The following DARS1 variants were observed in gnomAD, a reference collection of about 807,000 sequenced individuals.
The protein encoded by DARS1 is aspartyl-tRNA synthetase 1, also known as aspartate--tRNA ligase, cytoplasmic.
Under a neutral mutation model 68.8 loss-of-function variants are expected in DARS1, and 51 were observed. The ratio of observed to expected loss-of-function variants is 0.74; its 90% confidence interval spans 0.59 to 0.94. The LOEUF is 0.94. Among genes scored for constraint, DARS1 ranks in the 40% least tolerant of loss-of-function variants. The pLI, the probability that DARS1 is intolerant of heterozygous loss-of-function variation, is 0.00. For synonymous variants in DARS1, 203 were observed against 190.4 expected, an observed-to-expected ratio of 1.07 and a Z score of -0.55; for missense variants, 607 against 597.3, an observed-to-expected ratio of 1.02 and a Z score of -0.17.
chr2:135,943,905 G>A (rs1431265563), intron 4 of DARS1, among the ~76,000 whole-genome samples: 2 of 152,042 alleles, frequency 1.3e-5, no homozygotes, highest in Non-Finnish European at 2.9e-5. Context: ...AATAGAAGAC[G>A]GTCAACTGAA....
chr2:135,957,869 T>C (rs1201148797), intron 4 of DARS1, among the ~76,000 whole-genome samples: 1 of 152,194 alleles, frequency 6.6e-6, no homozygotes, highest in Non-Finnish European at 1.5e-5. Flanking sequence ...AACTTTAAAA[T>C]AGAAATAAAT....
In DARS1 at chr2:135,946,985, T is replaced by A. The variant is rs1681737913; in HGVS notation, c.321-3505A>T. 2.0e-5 allele frequency among the ~76,000 whole-genome samples: 3 copies of A among 152,148 alleles called. No individual in the cohort carries two copies. The South Asian group carries it at 6.2e-4, about 31-fold the overall frequency. On this transcript the variant is annotated intron_variant, in intron 4 of 15. Transcript: ENST00000264161. Reference sequence around the variant, plus strand: ...TATGTAGAGACAGGGTTTCATCATGTTGCCCAGGATGGTCTCGAACTCCTG... The same window carrying A: ...TATGTAGAGACAGGGTTTCATCATGATGCCCAGGATGGTCTCGAACTCCTG...
At chr2:135,980,124 T>C (rs1682587644) in intron 2 of DARS1, among the ~76,000 whole-genome samples, 1 of 152,208 alleles carries the variant, frequency 6.6e-6, no homozygotes, top group Non-Finnish European at 1.5e-5. Flanking sequence ...TGTCATCTCA[T>C]ACATTTCCCT....
At chr2:135,917,242 A>G (rs1164838802) in intron 10 of DARS1, among the ~76,000 whole-genome samples, 1 of 152,182 alleles carries the variant, frequency 6.6e-6, no homozygotes, top group Non-Finnish European at 1.5e-5. Context: ...TTTGCTTCAA[A>G]ATAATAGTGA....
intron 5 of DARS1, 101 bp from the exon 6 acceptor site, chr2:135,934,091 G>A (rs1372143445): frequency 6.9e-7 from 1 of 1,459,508 alleles, no homozygotes; most frequent in Non-Finnish European, 9.1e-7. Context: ...AGCAATGTTT[G>A]CATACATCTT....
chr2:135,972,335 T>C (rs1043897479), intron 3 of DARS1, among the ~76,000 whole-genome samples: 1 of 152,012 alleles, frequency 6.6e-6, no homozygotes, highest in Non-Finnish European at 1.5e-5. Context: ...TGGGGGAAAA[T>C]AGTCTTTTCA....
Position 135,985,390 on chromosome 2 carries a change from G to T in DARS1, c.66+13C>A, listed in dbSNP as rs1299861134. 1 of 1,613,292 alleles carries T rather than the reference G, an allele frequency of 6.2e-7. No individual in the cohort carries two copies. The highest frequency in any genetic ancestry group is 8.5e-7 in the Non-Finnish European group (1 of 1,179,764). On this transcript the variant is annotated intron_variant, in intron 1 of 15. Coordinates refer to ENST00000264161, the MANE Select transcript of DARS1 (RefSeq NM_001349.4). ...GGTCTGTCCTCCCAGGCCCAGGAAAGGAGGAAACCCACTTCCGCCGCGTCC... is the reference window on the plus strand; with the variant it reads ...GGTCTGTCCTCCCAGGCCCAGGAAATGAGGAAACCCACTTCCGCCGCGTCC...
intron 7 of DARS1, among the ~76,000 whole-genome samples, chr2:135,927,563 A>G (rs1681245760): frequency 6.6e-6 from 1 of 152,142 alleles, no homozygotes; most frequent in Admixed American, 6.5e-5. Context: ...TAATGATTCC[A>G]TAATATGTAA....
chr2:135,931,490 A>G (rs892895423), intron 7 of DARS1, among the ~76,000 whole-genome samples: 1 of 152,154 alleles, frequency 6.6e-6, no homozygotes, highest in Non-Finnish European at 1.5e-5. Context: ...TTCCCACCTC[A>G]GGCTCCCAAA....
chr2:135,912,803 A>AT (rs60878223), intron 12 of DARS1, among the ~76,000 whole-genome samples: 25,007 of 148,424 alleles, frequency 0.17, 2,535 homozygotes, highest in South Asian at 0.34. Flanking sequence ...TAGTTTTTAA[A>AT]TTTTTTTTTT....
At chr2:135,976,859 G>A (rs1429898871) in intron 3 of DARS1, among the ~76,000 whole-genome samples, 1 of 151,412 alleles carries the variant, frequency 6.6e-6, no homozygotes, top group African/African-American at 2.4e-5. Flanking sequence ...TACTCAACCT[G>A]TATATTTTTT....
chr2:135,985,248 T>C lies in DARS1; in HGVS notation c.66+155A>G, dbSNP rs540775018. 5.6e-5 allele frequency: 71 copies of C among 1,277,178 alleles called. No homozygotes were observed. The African/African-American group carries it at 9.1e-4, about 16-fold the overall frequency. 79.1% of individuals were successfully genotyped at this position (1,277,178 alleles called of 1,614,324 possible). A position where few individuals can be genotyped will look rare whatever the true frequency, so the allele number is the denominator to read the frequency against. ...TCCGGAGAGGGTCTGGCCCCACTGC[T>C]GGGGCAAGGGCTCTAGGCGCCCGGA... On this transcript the variant is annotated intron_variant, in intron 1 of 15. Transcript: ENST00000264161.
chr2:135,924,326 A>C lies in DARS1; in HGVS notation c.676+61T>G. The C allele has an allele frequency of 3.4e-6, 5 of 1,462,544 alleles. No homozygotes were observed. The South Asian group carries it at 4.3e-5, about 13-fold the overall frequency. 90.6% of individuals were successfully genotyped at this position (1,462,544 alleles called of 1,614,324 possible). A position where few individuals can be genotyped will look rare whatever the true frequency, so the allele number is the denominator to read the frequency against. On this transcript the variant is annotated intron_variant, in intron 8 of 15. Transcript: ENST00000264161. ...TCAAGTTAAAAATTTTATTAATATA[A>C]AGCAACTCTGGGGAGAGCAAATTTA...
chr2:135,963,706 A>C, intron 3 of DARS1, among the ~76,000 whole-genome samples: 1 of 131,366 alleles, frequency 7.6e-6, no homozygotes, highest in African/African-American at 2.9e-5. Context: ...TTGAGATGGC[A>C]TCTCGCTCTG....
At chr2:135,961,620 G>A (rs1004068075) in intron 3 of DARS1, 122 bp from the exon 4 acceptor site, 2 of 662,512 alleles carry the variant, frequency 3.0e-6, no homozygotes, top group African/African-American at 1.8e-5. Flanking sequence ...AGGCACGCAT[G>A]CATGTGTATA....
chr2:135,932,676 C>A, intron 7 of DARS1, 107 bp downstream of exon 7: 1 of 650,904 alleles, frequency 1.5e-6, no homozygotes. Context: ...ATCATACTTA[C>A]AGTCAGGCAA....
At chr2:135,946,560 T>C (rs1382593867) in intron 4 of DARS1, among the ~76,000 whole-genome samples, 3 of 152,170 alleles carry the variant, frequency 2.0e-5, no homozygotes, top group Non-Finnish European at 4.4e-5. Context: ...TGGGTAATCT[T>C]GAGCATATCA....
chr2:135,926,444 T>C (rs979247863), intron 7 of DARS1, among the ~76,000 whole-genome samples: 12 of 152,174 alleles, frequency 7.9e-5, no homozygotes, highest in Non-Finnish European at 1.2e-4. Context: ...CCTACTTGAT[T>C]AGACAGTGAA....
chr2:135,979,137 T>C (rs1682563873), intron 3 of DARS1, 137 bp downstream of exon 3: 3 of 617,730 alleles, frequency 4.9e-6, no homozygotes, highest in Non-Finnish European at 8.7e-6. Flanking sequence ...GGTTAATACT[T>C]TACAGTGACT....
Sources: gnomAD v4.1 joint callset for allele counts (sites outside exome capture counted in the v4.1 genomes callset) on GRCh38, gnomAD v4.1.1 for gene constraint, MANE v1.5 for transcripts, NCBI Gene and HGNC (gene_info 2026-07-23, HGNC 2026-07-21) for gene names.